Variants in ABCG1 observed in about 807,000 individuals in gnomAD.
ABCG1 encodes ATP binding cassette subfamily G member 1, also known as ATP-binding cassette sub-family G member 1.
ABCG1 carries 29 observed loss-of-function variants against 69.2 expected under a neutral mutation model. The observed-to-expected ratio is 0.42, with a 90% CI of 0.31 to 0.57. The LOEUF is 0.57. Among genes scored for constraint, ABCG1 ranks in the 20% least tolerant of loss-of-function variants. ABCG1 has a pLI of 0.15. For synonymous variants in ABCG1, 370 were observed against 374.8 expected (o/e 0.99, Z 0.15); for missense variants, 718 against 898.1 (o/e 0.80, Z 2.56).
chr21:42,277,036 TTTTG>T (rs1322939624), intron 5 of ABCG1, 91 bp downstream of exon 5: 14 of 1,400,990 alleles, frequency 1.0e-5, no homozygotes, highest in Non-Finnish European at 1.4e-5. Context: ...TGGCATTGGC[TTTTG>T]TTTGTTGATT....
At chr21:42,286,068 C>T (rs545921664) in intron 8 of ABCG1, 74 bp downstream of exon 8, 124 of 1,003,434 alleles carry the variant, frequency 1.2e-4, no homozygotes, top group East Asian at 2.6e-4. Context: ...TTTTAGCTGA[C>T]GCCCCCAACT....
intron 2 of ABCG1, among the ~76,000 whole-genome samples, chr21:42,244,554 T>C (rs2068104315): frequency 6.6e-6 from 1 of 152,250 alleles, no homozygotes; most frequent in Admixed American, 6.5e-5. Flanking sequence ...ACTTTGCAAT[T>C]CCCACTCTTT....
intron 2 of ABCG1, among the ~76,000 whole-genome samples, chr21:42,209,982 G>A (rs967326752): frequency 6.6e-6 from 1 of 152,160 alleles, no homozygotes; most frequent in Non-Finnish European, 1.5e-5. Flanking sequence ...TGGACAATGG[G>A]TGTGAACTCG....
intron 5 of ABCG1, among the ~76,000 whole-genome samples, chr21:42,279,753 G>T (rs1281181593): frequency 6.6e-6 from 1 of 152,234 alleles, no homozygotes; most frequent in Non-Finnish European, 1.5e-5. Flanking sequence ...TGCTCAGCAG[G>T]CTCCGTGCTG....
chr21:42,248,322 G>A (rs1425435750), intron 2 of ABCG1, among the ~76,000 whole-genome samples: 1 of 152,118 alleles, frequency 6.6e-6, no homozygotes, highest in East Asian at 1.9e-4. Flanking sequence ...AGGACTCCTG[G>A]GACCTGTCCA....
chr21:42,202,054 G>A (rs962393644), intron 2 of ABCG1, among the ~76,000 whole-genome samples: 1 of 148,528 alleles, frequency 6.7e-6, no homozygotes, highest in South Asian at 2.1e-4. Flanking sequence ...GAGTGTGCAG[G>A]TGCCTGTCCC....
At chr21:42,231,697 C>T (rs960366961) in intron 2 of ABCG1, among the ~76,000 whole-genome samples, 4 of 152,148 alleles carry the variant, frequency 2.6e-5, no homozygotes, top group African/African-American at 4.8e-5. Context: ...GGAGGCAGCC[C>T]GGTTAAAGGC....
intron 2 of ABCG1, among the ~76,000 whole-genome samples, chr21:42,261,540 C>T (rs940110204): frequency 3.3e-5 from 5 of 152,190 alleles, no homozygotes; most frequent in Admixed American, 1.3e-4. Flanking sequence ...TGGGCAGCTC[C>T]CCACCCCCTC....
intron 2 of ABCG1, among the ~76,000 whole-genome samples, chr21:42,252,216 G>A (rs530931635): frequency 1.3e-5 from 2 of 152,216 alleles, no homozygotes; most frequent in African/African-American, 4.8e-5. Context: ...AGAGCAATAA[G>A]ACCTCGTGGT....
At chr21:42,261,691 C>T (rs1223181236) in intron 2 of ABCG1, among the ~76,000 whole-genome samples, 1 of 152,200 alleles carries the variant, frequency 6.6e-6, no homozygotes, top group African/African-American at 2.4e-5. Context: ...GGTGAGTGAA[C>T]AAGACAAGGA....
chr21:42,220,339 T>G (rs1231532304), intron 1 of ABCG1, among the ~76,000 whole-genome samples: 2 of 152,174 alleles, frequency 1.3e-5, no homozygotes, highest in East Asian at 3.8e-4. Flanking sequence ...TCCCCTGTAT[T>G]TCATTTTTAG....
intron 1 of ABCG1, among the ~76,000 whole-genome samples, chr21:42,221,468 G>A (rs1403722101): frequency 6.6e-6 from 1 of 152,132 alleles, no homozygotes; most frequent in Non-Finnish European, 1.5e-5. Context: ...CAGGCACTCG[G>A]GGGAACATGC....
chr21:42,253,038 G>C (rs181585333), intron 2 of ABCG1, among the ~76,000 whole-genome samples: 1 of 152,144 alleles, frequency 6.6e-6, no homozygotes, highest in South Asian at 2.1e-4. Context: ...CCTGGATGCC[G>C]CATTAGCACA....
intron 5 of ABCG1, among the ~76,000 whole-genome samples, chr21:42,278,376 C>G (rs1217628324): frequency 6.6e-6 from 1 of 152,166 alleles, no homozygotes; most frequent in South Asian, 2.1e-4. Flanking sequence ...TGAATTCCCC[C>G]CAAAAGATGA....
At chr21:42,207,993 C>T (rs2067556580) in intron 2 of ABCG1, among the ~76,000 whole-genome samples, 1 of 152,192 alleles carries the variant, frequency 6.6e-6, no homozygotes, top group Non-Finnish European at 1.5e-5. Context: ...TTCTCTGACA[C>T]ATATATTATG....
At chr21:42,215,444 C>T (rs552652762), upstream of ABCG1, among the ~76,000 whole-genome samples, 15 of 152,350 alleles carry the variant, frequency 9.8e-5, no homozygotes, top group African/African-American at 3.6e-4. Context: ...GAGTTCTCTT[C>T]CCACAGACCT....
At position 42,219,258 on chromosome 21, in the gene ABCG1, G is replaced by T. The variant is rs371124965; in HGVS notation, c.-5G>T. ...CGCCGCCGCCGCCGCCGCCGCCCCC[G>T]GGGCATGGCCTGTCTGATGGCCGCT... On this transcript the variant is annotated 5_prime_UTR_variant, in exon 1 of 15. Transcript: ENST00000398449. The surrounding 1 kb of genome is among the most constrained non-coding windows in gnomAD (Gnocchi z 5.3). The T allele has an allele frequency of 3.2e-6, 5 of 1,555,210 alleles. No individual in the cohort carries two copies. Among genetic ancestry groups the T allele is most frequent in the Non-Finnish European group, 3.5e-6 (4 of 1,158,402 alleles).
At chr21:42,246,953 CA>C (rs2068142759) in intron 2 of ABCG1, among the ~76,000 whole-genome samples, 1 of 152,126 alleles carries the variant, frequency 6.6e-6, no homozygotes, top group Non-Finnish European at 1.5e-5. Flanking sequence ...AATGAAGCCA[CA>C]AGACTTAGAA....
Position 42,219,745 on chromosome 21 carries a change from G to T in ABCG1, c.42+441G>T, listed in dbSNP as rs2067690910. ...CGCGGCTGTGGGCTTGGGGACCGGG[G>T]ACTTCTCGCGCCATCCCCAGGAACG... On this transcript the variant is annotated intron_variant, in intron 1 of 14. Transcript: ENST00000398449. This position sits in a 1 kb window ranked among gnomAD's most constrained non-coding sequence, Gnocchi z 5.3. 1.5e-6 allele frequency: 2 copies of T among 1,307,994 alleles called. No individual in the cohort carries two copies. The highest frequency in any genetic ancestry group is 1.5e-5 in the South Asian group (1 of 64,768). The allele number at this position is 1,307,994 out of a possible 1,614,324, so 81.0% of individuals were successfully genotyped here. A position where few individuals can be genotyped will look rare whatever the true frequency, so the allele number is the denominator to read the frequency against.
Sources: allele counts gnomAD v4.1 joint callset (sites outside exome capture counted in the v4.1 genomes callset), GRCh38; gene constraint gnomAD v4.1.1; non-coding constraint Gnocchi (gnomAD v3.1); transcripts MANE v1.5; gene names NCBI Gene and HGNC (gene_info 2026-07-23, HGNC 2026-07-21).